DLGAP1: variants seen among roughly 807,000 people sequenced by gnomAD.
DLGAP1 encodes DLG associated protein 1.
A neutral mutation model predicts 90.8 loss-of-function variants in DLGAP1; 11 were observed. The observed-to-expected ratio is 0.12, with a 90% CI of 0.08 to 0.20. The LOEUF is 0.20. Among genes scored for constraint, DLGAP1 ranks in the 10% least tolerant of loss-of-function variants. DLGAP1 has a pLI of 1.00. For missense variants in DLGAP1, 1,050 were observed against 1,333.8 expected, an observed-to-expected ratio of 0.79 and a Z score of 3.31; for synonymous variants, 558 against 540.7, an observed-to-expected ratio of 1.03 and a Z score of -0.44.
intron 1 of DLGAP1, among the ~76,000 whole-genome samples, chr18:4,338,757 G>A (rs955059856): frequency 2.6e-5 from 4 of 152,124 alleles, no homozygotes; most frequent in African/African-American, 7.2e-5. Context: ...AAGTATAATT[G>A]CAGATTCCAT....
intron 1 of DLGAP1, among the ~76,000 whole-genome samples, chr18:4,231,173 T>C (rs185716814): frequency 2.6e-5 from 4 of 152,296 alleles, no homozygotes; most frequent in East Asian, 1.9e-4. Context: ...ATTCAACTTA[T>C]ATAAATATTT....
At chr18:4,400,649 C>T (rs2082535425) in intron 1 of DLGAP1, among the ~76,000 whole-genome samples, 1 of 152,154 alleles carries the variant, frequency 6.6e-6, no homozygotes, top group Non-Finnish European at 1.5e-5. Flanking sequence ...GGCTCAACCT[C>T]TGTGACTGAG....
chr18:3,626,040 A>T (rs1238577016), intron 7 of DLGAP1, among the ~76,000 whole-genome samples: 1 of 152,190 alleles, frequency 6.6e-6, no homozygotes, highest in Non-Finnish European at 1.5e-5. Flanking sequence ...TCACACCTGT[A>T]ATCCCAGCAT....
chr18:4,094,377 T>A (rs1450895008), intron 2 of DLGAP1, among the ~76,000 whole-genome samples: 1 of 152,146 alleles, frequency 6.6e-6, no homozygotes, highest in South Asian at 2.1e-4. Flanking sequence ...CGGTTATGTA[T>A]AACATTGATT....
rs778336867 is a variant in DLGAP1, at chr18:3,729,307, C to T, written c.1419G>A (p.Ser473=). 49 of 1,614,018 alleles carry T rather than the reference C, an allele frequency of 3.0e-5. 1 individual carries two copies. The South Asian group carries it at 4.8e-4, about 16-fold the overall frequency. ...VCESVFSELE[S]QAVEALDLPM... ...GCAGGTCCAGCGCTTCCACGGCCTG[C>T]GACTCCAGCTCGCTGAACACGGACT... Residue 473 remains serine, a synonymous_variant, in exon 7 of 13, where the codon TCG becomes TCA. Transcript: ENST00000315677. The surrounding 1 kb of genome is among the most constrained non-coding windows in gnomAD (Gnocchi z 6.2).
chr18:3,703,215 C>G (rs1287863682), intron 7 of DLGAP1, among the ~76,000 whole-genome samples: 2 of 152,176 alleles, frequency 1.3e-5, no homozygotes, highest in African/African-American at 2.4e-5. Context: ...CCGGATATAG[C>G]TGGTCCTTGG....
intron 1 of DLGAP1, among the ~76,000 whole-genome samples, chr18:4,235,717 G>GT (rs2078395182): frequency 4.9e-5 from 5 of 101,584 alleles, no homozygotes; most frequent in African/African-American, 7.5e-5. Flanking sequence ...CAATTTCAAT[G>GT]TCTTTTTTTT....
intron 1 of DLGAP1, among the ~76,000 whole-genome samples, chr18:4,224,495 G>T (rs927087473): frequency 1.3e-5 from 2 of 152,232 alleles, no homozygotes; most frequent in South Asian, 4.2e-4. Flanking sequence ...TTTCAGGCCT[G>T]ACCACATTTG....
At chr18:4,429,639 C>T (rs280989) in intron 1 of DLGAP1, among the ~76,000 whole-genome samples, 73,683 of 152,042 alleles carry the variant, frequency 0.48, 19,625 homozygotes, top group South Asian at 0.64. Flanking sequence ...TGAGTCTAAA[C>T]TGGCAATACC....
chr18:4,147,742 C>T (rs10502320), intron 2 of DLGAP1, among the ~76,000 whole-genome samples: 58,643 of 151,994 alleles, frequency 0.39, 11,569 homozygotes, highest in East Asian at 0.69. Context: ...AAGATGGTAA[C>T]TGACCAGAAG....
rs1047346658 is a variant in DLGAP1 at position 4,080,941 on chromosome 18, T to C, written c.-159+70239A>G. Among the ~76,000 whole-genome samples the C allele has an allele frequency of 1.3e-5, 2 of 150,646 alleles. 1 individual carries two copies. Among genetic ancestry groups the C allele is most frequent in the South Asian group, 4.2e-4 (2 of 4,766 alleles). On this transcript the variant is annotated intron_variant, in intron 2 of 12. Coordinates refer to ENST00000315677, the MANE Select transcript of DLGAP1 (RefSeq NM_004746.4). ...TTTGCTCTTGTAGCCCAGGCTGGAG[T>C]GCAATGGCGCAATCTTGGCTCACTG... is the stretch of plus-strand genomic sequence containing the variant.
chr18:3,550,855 C>T (rs117913909), intron 9 of DLGAP1, among the ~76,000 whole-genome samples: 5,200 of 150,232 alleles, frequency 0.035, 145 homozygotes, highest in Admixed American at 0.088. Context: ...GATTCTACTG[C>T]CTCAGTCTTC....
chr18:4,015,884 T>C (rs35022080), intron 2 of DLGAP1, among the ~76,000 whole-genome samples: 5,247 of 152,332 alleles, frequency 0.034, 130 homozygotes, highest in Non-Finnish European at 0.053. Context: ...GAGCTAACAA[T>C]TCTTACAAGC....
At chr18:4,322,530 A>T (rs951556549) in intron 1 of DLGAP1, among the ~76,000 whole-genome samples, 15 of 152,208 alleles carry the variant, frequency 9.9e-5, no homozygotes, top group South Asian at 6.2e-4. Flanking sequence ...AAGACCTGAA[A>T]TTGTAGAACT....
At chr18:4,231,483 C>T (rs1048020677) in intron 1 of DLGAP1, among the ~76,000 whole-genome samples, 1 of 152,146 alleles carries the variant, frequency 6.6e-6, no homozygotes, top group African/African-American at 2.4e-5. Flanking sequence ...GGTATTTCCT[C>T]CCTGCACCTT....
intron 3 of DLGAP1, among the ~76,000 whole-genome samples, chr18:3,938,532 T>C (rs2072693250): frequency 6.6e-6 from 1 of 152,186 alleles, no homozygotes. Flanking sequence ...TGATGGGTTT[T>C]TAGATCATTA....
At chr18:4,292,686 C>T (rs757355008) in intron 1 of DLGAP1, among the ~76,000 whole-genome samples, 65 of 152,044 alleles carry the variant, frequency 4.3e-4, no homozygotes, top group Admixed American at 9.2e-4. Context: ...TAAATACATA[C>T]ACATACAAAC....
chr18:4,067,673 A>C (rs1422961004), intron 2 of DLGAP1, among the ~76,000 whole-genome samples: 1 of 151,934 alleles, frequency 6.6e-6, no homozygotes, highest in Non-Finnish European at 1.5e-5. Flanking sequence ...TGCATAACAC[A>C]ACCCCTTATC....
At chr18:4,325,568 G>A (rs2080798947) in intron 1 of DLGAP1, among the ~76,000 whole-genome samples, 1 of 151,986 alleles carries the variant, frequency 6.6e-6, no homozygotes, top group Admixed American at 6.6e-5. Flanking sequence ...GCAATCCTAA[G>A]CAAAATAAAC....
Sources: gnomAD v4.1 joint callset for allele counts (sites outside exome capture counted in the v4.1 genomes callset) on GRCh38, gnomAD v4.1.1 for gene constraint, Gnocchi (gnomAD v3.1) non-coding constraint, MANE v1.5 for transcripts, NCBI Gene and HGNC (gene_info 2026-07-23, HGNC 2026-07-21) for gene names.